Variants in LARS2 observed in about 807,000 individuals in gnomAD.
LARS2 encodes the protein leucyl-tRNA synthetase 2, mitochondrial, also known as leucine--tRNA ligase, mitochondrial.
Under a neutral mutation model 116.6 loss-of-function variants are expected in LARS2, and 81 were observed. That is an observed-to-expected ratio of 0.69 (90% CI 0.58 to 0.84). LARS2 has a LOEUF of 0.84. LARS2 is among the 40% of genes least tolerant of loss of function. LARS2 has a pLI of 0.00. For synonymous variants in LARS2, 396 were observed against 407.2 expected (o/e 0.97, Z 0.33); for missense variants, 968 against 1,114.5 (o/e 0.87, Z 1.87).
intron 4 of LARS2, among the ~76,000 whole-genome samples, chr3:45,416,969 G>A (rs915711889): frequency 2.0e-5 from 3 of 151,788 alleles, no homozygotes; most frequent in African/African-American, 7.3e-5. Flanking sequence ...AGCTACTCGG[G>A]AGGCTGATGC....
At chr3:45,429,254 G>C (rs1462663978) in intron 6 of LARS2, among the ~76,000 whole-genome samples, 1 of 152,196 alleles carries the variant, frequency 6.6e-6, no homozygotes, top group Non-Finnish European at 1.5e-5. Flanking sequence ...CGTCTTACAA[G>C]GCCAAAATCA....
intron 7 of LARS2, among the ~76,000 whole-genome samples, chr3:45,447,920 T>A (rs1699048769): frequency 6.6e-6 from 1 of 152,164 alleles, no homozygotes; most frequent in Admixed American, 6.5e-5. Context: ...CACATGTGGT[T>A]GCTTAAATTT....
At chr3:45,446,370 G>A (rs1463789132) in intron 6 of LARS2, among the ~76,000 whole-genome samples, 1 of 152,168 alleles carries the variant, frequency 6.6e-6, no homozygotes, top group Non-Finnish European at 1.5e-5. Flanking sequence ...GTAAACAACA[G>A]CCTGATTCAC....
intron 4 of LARS2, among the ~76,000 whole-genome samples, chr3:45,404,514 C>T (rs1391681395): frequency 6.6e-6 from 1 of 152,278 alleles, no homozygotes; most frequent in Non-Finnish European, 1.5e-5. Context: ...TCAAGTTTAA[C>T]GATCCTCACT....
At chr3:45,437,785 A>T (rs911152390) in intron 6 of LARS2, among the ~76,000 whole-genome samples, 2 of 152,202 alleles carry the variant, frequency 1.3e-5, no homozygotes, top group Non-Finnish European at 2.9e-5. Flanking sequence ...CTCATTCAAC[A>T]TTTATTAAGC....
At chr3:45,401,574 C>T (rs538636585) in intron 4 of LARS2, among the ~76,000 whole-genome samples, 1 of 152,130 alleles carries the variant, frequency 6.6e-6, no homozygotes, top group Non-Finnish European at 1.5e-5. Context: ...GGACAAACGC[C>T]CTTCCTTGGC....
At chr3:45,466,074 T>G (rs1451221509) in intron 8 of LARS2, among the ~76,000 whole-genome samples, 1 of 152,196 alleles carries the variant, frequency 6.6e-6, no homozygotes, top group Non-Finnish European at 1.5e-5. Flanking sequence ...AAGAAATAAT[T>G]TAATAGTATA....
intron 14 of LARS2, among the ~76,000 whole-genome samples, chr3:45,497,571 C>A (rs1700036109): frequency 6.6e-6 from 1 of 152,154 alleles, no homozygotes; most frequent in African/African-American, 2.4e-5. Flanking sequence ...GAATTTCAAC[C>A]TGCAGTGTTG....
At chr3:45,482,135 G>A (rs1699712952) in intron 10 of LARS2, among the ~76,000 whole-genome samples, 3 of 151,966 alleles carry the variant, frequency 2.0e-5, no homozygotes, top group Admixed American at 2.0e-4. Flanking sequence ...TTATTTTCTG[G>A]CCTTCACTTA....
chr3:45,536,651 T>C (rs912274390), intron 20 of LARS2, among the ~76,000 whole-genome samples: 1 of 152,218 alleles, frequency 6.6e-6, no homozygotes, highest in African/African-American at 2.4e-5. Context: ...AGAAAATCTG[T>C]CCAGTTTCCA....
At chr3:45,534,972 C>T (rs1700678400) in intron 20 of LARS2, among the ~76,000 whole-genome samples, 1 of 152,078 alleles carries the variant, frequency 6.6e-6, no homozygotes, top group African/African-American at 2.4e-5. Flanking sequence ...TAGCTGCTTG[C>T]CTAGGGAAAT....
chr3:45,399,099 G>A (rs1042589569), intron 3 of LARS2, among the ~76,000 whole-genome samples: 12 of 152,194 alleles, frequency 7.9e-5, no homozygotes, highest in Non-Finnish European at 1.5e-4. Context: ...AAGCTGGAGA[G>A]TTATATAACC....
rs1317108127 is a variant in LARS2, at chr3:45,404,061, G to A, written c.363+3688G>A. On this transcript the variant is annotated intron_variant, in intron 4 of 21. Transcript: ENST00000645846. ...TCAGAGCTGCTTAGGAAGGTGATTC[G>A]TCACCATTTAATAAATGAATCTTGT... 4.6e-5 allele frequency among the ~76,000 whole-genome samples: 7 copies of A among 152,186 alleles called. 1 individual carries two copies. The highest frequency in any genetic ancestry group is 4.1e-4 in the South Asian group (2 of 4,824).
At chr3:45,401,013 G>C (rs1036707774) in intron 4 of LARS2, among the ~76,000 whole-genome samples, 5 of 152,048 alleles carry the variant, frequency 3.3e-5, no homozygotes, top group African/African-American at 1.2e-4. Flanking sequence ...CGGTTTCACT[G>C]TGTTAGCCAG....
In LARS2 at chr3:45,483,051, A is replaced by C. The variant is rs956211094; in HGVS notation, c.1019-2641A>C. ...CACACCTAGCTGCAAGGGAGGCTGA[A>C]CAGTGCTTTCGTTAGCTAAACACAC... is the stretch of plus-strand genomic sequence containing the variant. On this transcript the variant is annotated intron_variant, in intron 10 of 21. Transcript: ENST00000645846. Among the ~76,000 whole-genome samples, 6 of 152,196 alleles carry C rather than the reference A, an allele frequency of 3.9e-5. No individual in the cohort carries two copies. The East Asian group carries it at 1.2e-3, about 29-fold the overall frequency.
At chr3:45,471,131 A>G (rs1699518969) in intron 8 of LARS2, among the ~76,000 whole-genome samples, 1 of 151,526 alleles carries the variant, frequency 6.6e-6, no homozygotes, top group Non-Finnish European at 1.5e-5. Flanking sequence ...CAGCTGTAGC[A>G]CCGTAACTAC....
At chr3:45,417,179 CTT>C (rs1185240290) in intron 4 of LARS2, among the ~76,000 whole-genome samples, 1 of 151,392 alleles carries the variant, frequency 6.6e-6, no homozygotes, top group African/African-American at 2.4e-5. Flanking sequence ...GAAAGAAACT[CTT>C]TATAATTTCA....
intron 20 of LARS2, among the ~76,000 whole-genome samples, chr3:45,533,461 T>C (rs1700652494): frequency 6.6e-6 from 1 of 152,170 alleles, no homozygotes; most frequent in African/African-American, 2.4e-5. Context: ...TTAAGTCTTT[T>C]AAGTAGCCTG....
intron 7 of LARS2, among the ~76,000 whole-genome samples, chr3:45,457,449 C>T (rs1192880182): frequency 6.6e-6 from 1 of 152,168 alleles, no homozygotes; most frequent in East Asian, 1.9e-4. Context: ...GAGGCCAAGG[C>T]GGGTGGATCA....
Sources: gnomAD v4.1 joint callset for allele counts (sites outside exome capture counted in the v4.1 genomes callset) on GRCh38, gnomAD v4.1.1 for gene constraint, MANE v1.5 for transcripts, NCBI Gene and HGNC (gene_info 2026-07-23, HGNC 2026-07-21) for gene names.